Variants in RSL24D1 observed in about 807,000 individuals in gnomAD.
The protein encoded by RSL24D1 is ribosomal L24 domain containing 1, also known as probable ribosome biogenesis protein RLP24.
Under a neutral mutation model 26.2 loss-of-function variants are expected in RSL24D1, and 6 were observed. That is an observed-to-expected ratio of 0.23 (90% confidence interval 0.13 to 0.45). RSL24D1 has a LOEUF of 0.45. Ranked by LOEUF, RSL24D1 falls within the 20% of genes least tolerant of loss-of-function variation. The probability of loss-of-function intolerance (pLI) is 0.99; values close to 1 mark genes in which losing one functional copy is unlikely to be tolerated. For missense variants in RSL24D1, 176 were observed against 202.6 expected, an observed-to-expected ratio of 0.87 and a Z score of 0.80; for synonymous variants, 61 against 59.1, an observed-to-expected ratio of 1.03 and a Z score of -0.15.
intron 1 of RSL24D1, chr15:55,196,219 C>A: frequency 2.4e-6 from 1 of 419,382 alleles, no homozygotes; most frequent in South Asian, 1.7e-5. Flanking sequence ...TTGCTCCGTT[C>A]TCTGCCTTTT....
At chr15:55,192,530 T>C (rs1028836198) in intron 2 of RSL24D1, 190 bp downstream of exon 2, 13 of 433,722 alleles carry the variant, frequency 3.0e-5, no homozygotes, top group Non-Finnish European at 5.4e-5. Context: ...GAGCTAAAAA[T>C]AGTAGCTCCA....
intron 3 of RSL24D1, 48 bp from the exon 4 acceptor site, chr15:55,185,473 A>G: frequency 7.5e-7 from 1 of 1,327,166 alleles, no homozygotes; most frequent in Admixed American, 2.0e-5. Context: ...TTCAAGCGGT[A>G]TGATCAACAA....
chr15:55,181,725 T>C lies in RSL24D1; in HGVS notation c.*427A>G, dbSNP rs554134944. 6.5e-6 allele frequency: 1 copy of C among 153,878 alleles called. No individual in the cohort carries two copies. The highest frequency in any genetic ancestry group is 2.0e-4 in the South Asian group (1 of 5,014). 9.5% of individuals were successfully genotyped at this position (153,878 alleles called of 1,614,324 possible). On this transcript the variant is annotated 3_prime_UTR_variant, in exon 6 of 6. Coordinates refer to ENST00000260443, the MANE Select transcript of RSL24D1 (RefSeq NM_016304.3). Reference sequence around the variant, plus strand: ...ATACTAAAATAAAAATATCTGACACTGCCATACAAATTGTTAGTTCCTTTT... The same window carrying C: ...ATACTAAAATAAAAATATCTGACACCGCCATACAAATTGTTAGTTCCTTTT...
At chr15:55,192,494 T>G in intron 2 of RSL24D1, 1 of 385,332 alleles carries the variant, frequency 2.6e-6, no homozygotes, top group Non-Finnish European at 4.7e-6. Context: ...CCAAGCCATT[T>G]AAGTGATTTT....
intron 4 of RSL24D1, 150 bp downstream of exon 4, chr15:55,185,212 G>C (rs948639609): frequency 1.9e-6 from 1 of 515,564 alleles, no homozygotes; most frequent in African/African-American, 2.0e-5. Flanking sequence ...AATGCTAGCA[G>C]AATATACAAG....
chr15:55,192,917 T>C (rs778189393), intron 1 of RSL24D1, 84 bp from the exon 2 acceptor site: 123 of 819,668 alleles, frequency 1.5e-4, no homozygotes, highest in Non-Finnish European at 2.2e-4. Context: ...CAAAAAATAC[T>C]TTCCCTTCTA....
chr15:55,185,096 T>C (rs1283747523), intron 4 of RSL24D1, among the ~76,000 whole-genome samples: 1 of 152,208 alleles, frequency 6.6e-6, no homozygotes, highest in Non-Finnish European at 1.5e-5. Context: ...ATACTGTGTT[T>C]ATTTAAGAGA....
At chr15:55,183,529 G>A in intron 4 of RSL24D1, 129 bp from the exon 5 acceptor site, 1 of 656,762 alleles carries the variant, frequency 1.5e-6, no homozygotes, top group South Asian at 1.9e-5. Flanking sequence ...AAACATGATG[G>A]CTGCCCTTCT....
At chr15:55,196,564 T>C in intron 1 of RSL24D1, 2 of 588,846 alleles carry the variant, frequency 3.4e-6, no homozygotes, top group South Asian at 3.9e-5. Context: ...GGATCGCTCC[T>C]GAAGTTCCTC....
chr15:55,194,546 C>T (rs1419539143), intron 1 of RSL24D1, among the ~76,000 whole-genome samples: 1 of 152,090 alleles, frequency 6.6e-6, no homozygotes, highest in African/African-American at 2.4e-5. Flanking sequence ...AAATGATCCC[C>T]CATACCTTGG....
intron 3 of RSL24D1, among the ~76,000 whole-genome samples, chr15:55,188,006 C>T (rs369003501): frequency 2.0e-5 from 3 of 152,158 alleles, no homozygotes; most frequent in Admixed American, 6.5e-5. Flanking sequence ...GGACAAAGTG[C>T]AAACTATTTT....
intron 1 of RSL24D1, chr15:55,196,360 A>G (rs2140599891): frequency 4.4e-6 from 2 of 457,950 alleles, no homozygotes; most frequent in Non-Finnish European, 8.8e-6. Context: ...CACCTGCAGT[A>G]ACTTAATACA....
chr15:55,185,457 T>C (rs770664894), intron 3 of RSL24D1, 32 bp from the exon 4 acceptor site: 1 of 1,523,752 alleles, frequency 6.6e-7, no homozygotes, highest in Non-Finnish European at 9.0e-7. Flanking sequence ...AGCAAATGTA[T>C]GCACATTCAA....
intron 4 of RSL24D1, among the ~76,000 whole-genome samples, chr15:55,183,852 C>T (rs1252415964): frequency 2.6e-5 from 4 of 152,028 alleles, no homozygotes; most frequent in Non-Finnish European, 4.4e-5. Flanking sequence ...TAGACTGGCA[C>T]GAAATGGGAG....
At chr15:55,189,812 C>G (rs917308548) in intron 3 of RSL24D1, among the ~76,000 whole-genome samples, 1 of 152,142 alleles carries the variant, frequency 6.6e-6, no homozygotes, top group African/African-American at 2.4e-5. Flanking sequence ...CAAAGGGATG[C>G]CCTGCCTATG....
chr15:55,194,867 T>C (rs1175111389), intron 1 of RSL24D1, among the ~76,000 whole-genome samples: 1 of 150,826 alleles, frequency 6.6e-6, no homozygotes, highest in African/African-American at 2.4e-5. Flanking sequence ...CTACAAAAAA[T>C]TTTTTTGATA....
chr15:55,181,230 G>A lies in RSL24D1; in HGVS notation c.*922C>T, dbSNP rs1206020775. On this transcript the variant is annotated 3_prime_UTR_variant, in exon 6 of 6. Transcript: ENST00000260443. ...AATTAAATGTATCTCCTACTTAAAT[G>A]GGATGTGTGGAGGAAGATTTCTTCT... 1 of 152,302 alleles carries A rather than the reference G, an allele frequency of 6.6e-6. No individual in the cohort carries two copies. The highest frequency in any genetic ancestry group is 1.5e-5 in the Non-Finnish European group (1 of 68,006). The allele number at this position is 152,302 out of a possible 1,614,324, so 9.4% of individuals were successfully genotyped here. A position where few individuals can be genotyped will look rare whatever the true frequency, so the allele number is the denominator to read the frequency against.
rs1400808818 is a variant in RSL24D1 at position 55,196,902 on chromosome 15, G to T, written c.-12C>A. The T allele has an allele frequency of 6.2e-7, 1 of 1,613,730 alleles. No homozygotes were observed. Among genetic ancestry groups the T allele is most frequent in the Non-Finnish European group, 8.5e-7 (1 of 1,179,664 alleles). ...TTTTCGATACGCATGTTGAACCCGC[G>T]TGTAACCCCACCAAACAAACGCCAA... On this transcript the variant is annotated 5_prime_UTR_variant, in exon 1 of 6. Transcript: ENST00000260443.
At chr15:55,184,789 C>A (rs563024307) in intron 4 of RSL24D1, among the ~76,000 whole-genome samples, 3 of 152,136 alleles carry the variant, frequency 2.0e-5, no homozygotes, top group African/African-American at 7.2e-5. Context: ...GAGAAGGATA[C>A]GCCATCATTT....
Sources: allele counts gnomAD v4.1 joint callset (sites outside exome capture counted in the v4.1 genomes callset), GRCh38; gene constraint gnomAD v4.1.1; transcripts MANE v1.5; gene names NCBI Gene and HGNC (gene_info 2026-07-23, HGNC 2026-07-21).